The following AK8 variants were observed in gnomAD, a reference collection of about 807,000 sequenced individuals.
AK8 encodes ATP-AMP transphosphorylase 8.
Under a neutral mutation model 54.6 loss-of-function variants are expected in AK8, and 44 were observed. That is an observed-to-expected ratio of 0.81 (90% CI 0.63 to 1.04). The LOEUF (loss-of-function observed/expected upper bound fraction) is 1.04, where lower values mean the gene tolerates loss of function less well. Ranked by LOEUF, AK8 falls within the 50% of genes least tolerant of loss-of-function variation. The probability of loss-of-function intolerance (pLI) is 0.00; values close to 1 mark genes in which losing one functional copy is unlikely to be tolerated. For missense variants in AK8, 555 were observed against 613.6 expected (o/e 0.90, Z 1.01); for synonymous variants, 239 against 245.6 (o/e 0.97, Z 0.25).
At chr9:132,801,785 A>T (rs766256735) in intron 10 of AK8, among the ~76,000 whole-genome samples, 1 of 152,242 alleles carries the variant, frequency 6.6e-6, no homozygotes, top group South Asian at 2.1e-4. Context: ...TACAAATATT[A>T]ATTCATGTAG....
chr9:132,812,530 T>TGGGATGACGGGTGAGCCGCTGC (rs1841081288), intron 10 of AK8, among the ~76,000 whole-genome samples: 2 of 130,644 alleles, frequency 1.5e-5, no homozygotes, highest in African/African-American at 5.7e-5. Flanking sequence ...TGAGCTACCG[T>TGGGATGACGGGTGAGCCGCTGC]GCCCACTGGG....
rs139585485 is a variant in AK8, at chr9:132,784,078, C to A, written c.1121+8556G>T. On this transcript the variant is annotated intron_variant, in intron 11 of 12. Transcript: ENST00000298545. ...CTGAAATACTGTAAGTGAAAGGGTT[C>A]CTAATGTCCAGAGAAAAGTAATAAG... Among the ~76,000 whole-genome samples the A allele has an allele frequency of 1.9e-3, 287 of 152,222 alleles. 2 individuals carry two copies. Among genetic ancestry groups the A allele is most frequent in the African/African-American group, 5.6e-3 (232 of 41,514 alleles).
chr9:132,832,332 C>T (rs1263162694), intron 5 of AK8, among the ~76,000 whole-genome samples: 1 of 152,032 alleles, frequency 6.6e-6, no homozygotes, highest in Non-Finnish European at 1.5e-5. Flanking sequence ...CCCTCAAGTC[C>T]TTGTTATAGC....
At chr9:132,789,715 A>T (rs1227048962) in intron 11 of AK8, among the ~76,000 whole-genome samples, 1 of 152,054 alleles carries the variant, frequency 6.6e-6, no homozygotes, top group African/African-American at 2.4e-5. Flanking sequence ...GGCTTAGGTC[A>T]AGGTATCAGC....
chr9:132,852,483 G>A (rs1843002102), intron 5 of AK8, among the ~76,000 whole-genome samples: 1 of 151,954 alleles, frequency 6.6e-6, no homozygotes, highest in South Asian at 2.1e-4. Flanking sequence ...GGTGGCACGT[G>A]CCTGTAATCC....
intron 1 of AK8, chr9:132,877,910 A>G (rs1271186618): frequency 8.6e-6 from 7 of 813,158 alleles, no homozygotes; most frequent in Non-Finnish European, 2.0e-6. Context: ...CGCTGGCGGC[A>G]CAGCCAGGAC....
chr9:132,864,457 C>T (rs1843511461), intron 3 of AK8, among the ~76,000 whole-genome samples: 1 of 152,218 alleles, frequency 6.6e-6, no homozygotes, highest in South Asian at 2.1e-4. Flanking sequence ...TGAGCCCTCA[C>T]TGCACACCCC....
At chr9:132,875,030 A>G in intron 2 of AK8, 85 bp downstream of exon 2, 2 of 1,529,990 alleles carry the variant, frequency 1.3e-6, no homozygotes, top group Non-Finnish European at 1.8e-6. Context: ...GAAGAGGAGG[A>G]GGAGGCAGAG....
At position 132,860,435 on chromosome 9, in the gene AK8, G is replaced by A. The variant is rs1386948410; in HGVS notation, c.333+3230C>T. ...TACTCAGAGCTTGCTGGGCAAGGGA[G>A]TCAGCCAGCATCGTTCACATCTGGC... On this transcript the variant is annotated intron_variant, in intron 4 of 12. Coordinates refer to ENST00000298545, the MANE Select transcript of AK8 (RefSeq NM_152572.3). This position sits in a 1 kb window ranked among gnomAD's most constrained non-coding sequence, Gnocchi z 4.4. Among the ~76,000 whole-genome samples, 3 of 152,248 alleles carry A rather than the reference G, an allele frequency of 2.0e-5. No individual in the cohort carries two copies. The highest frequency in any genetic ancestry group is 7.2e-5 in the African/African-American group (3 of 41,460).
chr9:132,786,586 A>C (rs1478987942), intron 11 of AK8, among the ~76,000 whole-genome samples: 1 of 152,156 alleles, frequency 6.6e-6, no homozygotes, highest in African/African-American at 2.4e-5. Flanking sequence ...AGATGTTGAC[A>C]CTTGGTGGGA....
intron 11 of AK8, among the ~76,000 whole-genome samples, chr9:132,745,623 C>T (rs547746756): frequency 5.3e-5 from 8 of 152,210 alleles, no homozygotes; most frequent in African/African-American, 1.7e-4. Context: ...ACTTCATGAC[C>T]GTGGTGACAC....
At chr9:132,840,635 G>A (rs1842506772) in intron 5 of AK8, among the ~76,000 whole-genome samples, 1 of 152,186 alleles carries the variant, frequency 6.6e-6, no homozygotes, top group Admixed American at 6.5e-5. Flanking sequence ...GCTCATGCCT[G>A]TAATCCCAGG....
At position 132,747,119 on chromosome 9, in the gene AK8, A is replaced by AG. The variant is rs555040143; in HGVS notation, c.1122-19586dup. 1.1e-3 allele frequency among the ~76,000 whole-genome samples: 174 copies of AG among 152,302 alleles called. 3 individuals carry two copies. The Middle Eastern group carries it at 0.02, about 18-fold the overall frequency. Reference sequence around the variant, plus strand: ...TAAGCAAATATTTGTGCAAGTGTAAAGATATATGGACAAGATTTCTCATTG... The same window carrying AG: ...TAAGCAAATATTTGTGCAAGTGTAAAGGATATATGGACAAGATTTCTCATTG... On this transcript the variant is annotated intron_variant, in intron 11 of 12. Coordinates refer to ENST00000298545, the MANE Select transcript of AK8 (RefSeq NM_152572.3).
chr9:132,743,336 C>T (rs765117427), intron 11 of AK8, among the ~76,000 whole-genome samples: 6 of 152,236 alleles, frequency 3.9e-5, no homozygotes, highest in Non-Finnish European at 5.9e-5. Context: ...TGCATCTCCT[C>T]GTCACTGGTC....
chr9:132,811,328 T>C (rs1840993853), intron 10 of AK8, among the ~76,000 whole-genome samples: 1 of 152,084 alleles, frequency 6.6e-6, no homozygotes, highest in Non-Finnish European at 1.5e-5. Context: ...CAAGGGTCCT[T>C]ATAAGAAGGA....
chr9:132,835,784 T>C (rs1842298873), intron 5 of AK8, among the ~76,000 whole-genome samples: 1 of 152,104 alleles, frequency 6.6e-6, no homozygotes, highest in African/African-American at 2.4e-5. Context: ...GGCCAGGAGT[T>C]CTAGACCAGC....
chr9:132,834,952 C>G (rs1299156130), intron 5 of AK8, among the ~76,000 whole-genome samples: 1 of 151,844 alleles, frequency 6.6e-6, no homozygotes, highest in Admixed American at 6.6e-5. Context: ...TCACTGCGAC[C>G]TTCTCCTCCC....
At chr9:132,835,175 A>C (rs1842271005) in intron 5 of AK8, among the ~76,000 whole-genome samples, 1 of 152,088 alleles carries the variant, frequency 6.6e-6, no homozygotes, top group South Asian at 2.1e-4. Context: ...CGGCTTCAAG[A>C]GGGTTTTTAT....
chr9:132,792,596 G>A, intron 11 of AK8, 38 bp downstream of exon 11: 1 of 1,538,132 alleles, frequency 6.5e-7, no homozygotes, highest in East Asian at 2.5e-5. Flanking sequence ...GTGCCCAGGG[G>A]CTTGGCCAGG....
Sources: gnomAD v4.1 joint callset for allele counts (sites outside exome capture counted in the v4.1 genomes callset) on GRCh38, gnomAD v4.1.1 for gene constraint, Gnocchi (gnomAD v3.1) non-coding constraint, MANE v1.5 for transcripts, NCBI Gene and HGNC (gene_info 2026-07-23, HGNC 2026-07-21) for gene names.